WDR64: variants seen among roughly 807,000 people sequenced by gnomAD.
WDR64 encodes WD repeat domain 64, also known as WD repeat-containing protein 64.
In WDR64, 112 loss-of-function variants were observed where a neutral mutation model predicts 139.3. The observed-to-expected ratio is 0.80, with a 90% CI of 0.69 to 0.94. WDR64 has a LOEUF of 0.94. Ranked by LOEUF, WDR64 falls within the 40% of genes least tolerant of loss-of-function variation. WDR64 has a pLI of 0.00. For synonymous variants in WDR64, 444 were observed against 437.7 expected (o/e 1.01, Z -0.18); for missense variants, 1,206 against 1,293.1 (o/e 0.93, Z 1.03).
At chr1:241,664,194 G>C (rs546799862) in intron 2 of WDR64, among the ~76,000 whole-genome samples, 2 of 152,112 alleles carry the variant, frequency 1.3e-5, no homozygotes, top group South Asian at 2.1e-4. Flanking sequence ...CCCATAGATC[G>C]GTAACTTGAA....
intron 17 of WDR64, 122 bp downstream of exon 17, chr1:241,769,627 C>A (rs1260753555): frequency 4.7e-6 from 4 of 860,128 alleles, no homozygotes; most frequent in Non-Finnish European, 3.6e-6. Context: ...TTACTTCATC[C>A]CAGCATTAAA....
intron 22 of WDR64, among the ~76,000 whole-genome samples, chr1:241,781,549 G>A (rs1481896549): frequency 1.3e-5 from 2 of 152,100 alleles, no homozygotes; most frequent in East Asian, 1.9e-4. Context: ...GTTCTCTCCC[G>A]ATATTACTGA....
rs1343232585 is a variant in WDR64 at position 241,802,210 on chromosome 1, C to T, written c.*995C>T. 2 of 395,228 alleles carry T rather than the reference C, an allele frequency of 5.1e-6. No individual in the cohort carries two copies. The highest frequency in any genetic ancestry group is 8.9e-6 in the Non-Finnish European group (2 of 225,254). The allele number at this position is 395,228 out of a possible 1,614,324, so 24.5% of individuals were successfully genotyped here. ...TAGGGTAGGACAATGGAATCCTCAG[C>T]AATTAAAGGGAATAAAATGCTAATG... is the stretch of plus-strand genomic sequence containing the variant. On this transcript the variant is annotated 3_prime_UTR_variant, in exon 28 of 28. Coordinates refer to ENST00000437684, the MANE Select transcript of WDR64 (RefSeq NM_001367482.1).
At chr1:241,752,008 C>A (rs1669998287) in intron 14 of WDR64, among the ~76,000 whole-genome samples, 1 of 152,128 alleles carries the variant, frequency 6.6e-6, no homozygotes, top group Non-Finnish European at 1.5e-5. Context: ...ATGGGGGTTC[C>A]AGGAAGATGA....
chr1:241,738,952 G>A (rs1669430466), intron 11 of WDR64, among the ~76,000 whole-genome samples: 1 of 152,290 alleles, frequency 6.6e-6, no homozygotes, highest in South Asian at 2.1e-4. Flanking sequence ...TCTGGAGCAG[G>A]AATATGATCC....
Position 241,711,784 on chromosome 1 carries a change from C to T in WDR64, c.975-18C>T. The stretch of plus-strand genomic sequence containing the variant: ...AAAGAAAAATATATATGTTTTCCAT[C>T]TAATTTGTGTTTTCCAGGCCTGTCA... On this transcript the variant is annotated intron_variant, in intron 8 of 27. Transcript: ENST00000437684. 1 of 1,612,138 alleles carries T rather than the reference C, an allele frequency of 6.2e-7. No homozygotes were observed. The highest frequency in any genetic ancestry group is 8.5e-7 in the Non-Finnish European group (1 of 1,178,368).
chr1:241,720,412 T>G (rs907031264), intron 9 of WDR64, among the ~76,000 whole-genome samples: 6 of 152,126 alleles, frequency 3.9e-5, no homozygotes, highest in African/African-American at 1.4e-4. Flanking sequence ...TAATTTACAC[T>G]CCCACCAACA....
chr1:241,754,783 A>C, intron 14 of WDR64, among the ~76,000 whole-genome samples: 2 of 145,826 alleles, frequency 1.4e-5, no homozygotes, highest in Admixed American at 1.4e-4. Flanking sequence ...GTGTGTTCTC[A>C]TTGTTCAACT....
Position 241,794,991 on chromosome 1 carries a change from T to G in WDR64, c.2998-216T>G, listed in dbSNP as rs6670859. Among the ~76,000 whole-genome samples the G allele has an allele frequency of 3.8e-3, 584 of 152,336 alleles. 6 individuals are homozygous for G. Among genetic ancestry groups the G allele is most frequent in the African/African-American group, 0.013 (534 of 41,584 alleles). ...TCTTCTGTTAATTTCTTTTTTGATG[T>G]ATTGTGACCATGAATGATGACACAG... On this transcript the variant is annotated intron_variant, in intron 25 of 27. Transcript: ENST00000437684.
rs571338138 is a variant in WDR64 at position 241,798,598 on chromosome 1, G to A, written c.3192+2228G>A. On this transcript the variant is annotated intron_variant, in intron 27 of 27. Transcript: ENST00000437684. ...GGCATAAAACGACCTCAGAAATTCA[G>A]GGGGAGAAATTTCACTTTTATGAAA... Among the ~76,000 whole-genome samples, 22 of 152,238 alleles carry A rather than the reference G, an allele frequency of 1.4e-4. No homozygotes were observed. In the South Asian group the frequency reaches 1.7e-3, roughly 11 times the overall value.
intron 12 of WDR64, among the ~76,000 whole-genome samples, chr1:241,743,108 G>T (rs1669611915): frequency 1.3e-5 from 2 of 152,198 alleles, no homozygotes; most frequent in Non-Finnish European, 2.9e-5. Context: ...AATGCCTAAA[G>T]AGAGAGGTAG....
intron 24 of WDR64, 112 bp downstream of exon 24, chr1:241,788,146 T>G (rs1023664493): frequency 1.1e-6 from 1 of 908,368 alleles, no homozygotes; most frequent in Non-Finnish European, 1.6e-6. Context: ...AACTTTTCAA[T>G]AATTTTGTAA....
chr1:241,751,100 G>C (rs1214004320), intron 14 of WDR64, among the ~76,000 whole-genome samples: 1 of 151,864 alleles, frequency 6.6e-6, no homozygotes, highest in Non-Finnish European at 1.5e-5. Context: ...TCAATGACCA[G>C]TTACCAAATA....
At chr1:241,652,795 G>A (rs866122953) in intron 1 of WDR64, among the ~76,000 whole-genome samples, 166 bp downstream of exon 1, 2 of 152,138 alleles carry the variant, frequency 1.3e-5, no homozygotes, top group African/African-American at 4.8e-5. Context: ...ATAACAAAGC[G>A]GACATGAGGA....
At chr1:241,784,693 C>T (rs755045576) in intron 23 of WDR64, among the ~76,000 whole-genome samples, 1 of 151,952 alleles carries the variant, frequency 6.6e-6, no homozygotes, top group African/African-American at 2.4e-5. Context: ...TGGTGGCTCA[C>T]GCCTGTAATC....
intron 14 of WDR64, among the ~76,000 whole-genome samples, chr1:241,756,373 G>A (rs543498324): frequency 5.9e-5 from 9 of 152,144 alleles, no homozygotes; most frequent in Admixed American, 5.9e-4. Flanking sequence ...GTCTATTGCT[G>A]GTGTATAGGA....
intron 6 of WDR64, 135 bp from the exon 7 acceptor site, chr1:241,683,352 T>C (rs1418994413): frequency 1.3e-6 from 1 of 792,094 alleles, no homozygotes; most frequent in East Asian, 2.7e-5. Context: ...CTGGTTTTTT[T>C]CTCAAATTAT....
chr1:241,767,636 T>C (rs1393444178), intron 16 of WDR64, among the ~76,000 whole-genome samples: 2 of 151,980 alleles, frequency 1.3e-5, no homozygotes, highest in African/African-American at 4.8e-5. Flanking sequence ...GAGAGGAAAA[T>C]ACAAAAGAAA....
chr1:241,664,614 A>G (rs1558460421), intron 2 of WDR64, among the ~76,000 whole-genome samples: 1 of 152,138 alleles, frequency 6.6e-6, no homozygotes, highest in African/African-American at 2.4e-5. Context: ...AGATGAGGAA[A>G]TCAAGCCTCA....
Sources: allele counts gnomAD v4.1 joint callset (sites outside exome capture counted in the v4.1 genomes callset), GRCh38; gene constraint gnomAD v4.1.1; transcripts MANE v1.5; gene names NCBI Gene and HGNC (gene_info 2026-07-23, HGNC 2026-07-21).